Variants in ELOVL6 observed in about 807,000 individuals in gnomAD.
The protein encoded by ELOVL6 is very long chain fatty acid elongase 6.
ELOVL6 carries 8 observed loss-of-function variants against 31.7 expected under a neutral mutation model. The ratio of observed to expected loss-of-function variants is 0.25; its 90% CI spans 0.15 to 0.45. The LOEUF (loss-of-function observed/expected upper bound fraction) is 0.45. Among genes scored for constraint, ELOVL6 ranks in the 20% least tolerant of loss-of-function variants. The probability of loss-of-function intolerance (pLI) is 1.00; values close to 1 mark genes in which losing one functional copy is unlikely to be tolerated. For synonymous variants in ELOVL6, 101 were observed against 117.7 expected, an observed-to-expected ratio of 0.86 and a Z score of 0.92; for missense variants, 126 against 326.4, an observed-to-expected ratio of 0.39 and a Z score of 4.73.
chr4:110,064,703 G>A (rs1230661543), intron 2 of ELOVL6, among the ~76,000 whole-genome samples: 1 of 151,886 alleles, frequency 6.6e-6, no homozygotes, highest in East Asian at 1.9e-4. Flanking sequence ...GCCCAGGCTG[G>A]TCTTGAACTC....
chr4:110,120,784 CTTTT>C (rs1036320569), intron 1 of ELOVL6, among the ~76,000 whole-genome samples: 1 of 139,478 alleles, frequency 7.2e-6, no homozygotes, highest in African/African-American at 2.6e-5. Context: ...TGGTTCTTTT[CTTTT>C]TTTTCTTTTC....
chr4:110,181,715 C>T (rs545914215), intron 1 of ELOVL6, among the ~76,000 whole-genome samples: 1 of 152,320 alleles, frequency 6.6e-6, no homozygotes, highest in South Asian at 2.1e-4. Context: ...CCTTCTCCAT[C>T]TTTCTTCTCT....
At chr4:110,129,079 C>T (rs1482149802) in intron 1 of ELOVL6, among the ~76,000 whole-genome samples, 2 of 152,154 alleles carry the variant, frequency 1.3e-5, no homozygotes, top group Non-Finnish European at 2.9e-5. Flanking sequence ...CTTTATGTAG[C>T]AGATTTAGTC....
At chr4:110,182,770 T>C (rs889310419) in intron 1 of ELOVL6, among the ~76,000 whole-genome samples, 3 of 151,988 alleles carry the variant, frequency 2.0e-5, no homozygotes, top group African/African-American at 4.8e-5. Flanking sequence ...TAGCCAGGCG[T>C]GGTGGCCCAT....
At chr4:110,082,890 G>C (rs1204645723) in intron 2 of ELOVL6, among the ~76,000 whole-genome samples, 1 of 148,490 alleles carries the variant, frequency 6.7e-6, no homozygotes, top group Non-Finnish European at 1.5e-5. Context: ...ATCCACAAAC[G>C]CTTTTAACAG....
intron 1 of ELOVL6, among the ~76,000 whole-genome samples, chr4:110,160,095 TACACACACACACACACAAAC>T (rs948597037): frequency 2.7e-5 from 4 of 150,178 alleles, no homozygotes; most frequent in South Asian, 2.1e-4. Context: ...GCTTACAACT[TACACACACACACACACAAAC>T]ACACACACAC....
intron 1 of ELOVL6, among the ~76,000 whole-genome samples, chr4:110,117,496 G>A (rs1757199332): frequency 6.6e-6 from 1 of 152,062 alleles, no homozygotes; most frequent in Non-Finnish European, 1.5e-5. Context: ...CAGTGAGTCA[G>A]TATATTACTC....
intron 1 of ELOVL6, among the ~76,000 whole-genome samples, chr4:110,139,420 A>G (rs1359666608): frequency 6.6e-6 from 1 of 152,058 alleles, no homozygotes; most frequent in East Asian, 1.9e-4. Flanking sequence ...ATTTAAGTTT[A>G]TTTTATTTCT....
At chr4:110,079,329 C>T (rs1755758545) in intron 2 of ELOVL6, among the ~76,000 whole-genome samples, 1 of 152,168 alleles carries the variant, frequency 6.6e-6, no homozygotes, top group Non-Finnish European at 1.5e-5. Flanking sequence ...AAATTGACTG[C>T]ATAGTTGGAA....
chr4:110,097,797 A>AC (rs966298514), intron 2 of ELOVL6, among the ~76,000 whole-genome samples: 1 of 45,512 alleles, frequency 2.2e-5, no homozygotes, highest in African/African-American at 1.5e-4. Flanking sequence ...CTGCCTTCAG[A>AC]AAAAAAAAAA....
chr4:110,140,939 C>T (rs914795719), intron 1 of ELOVL6, among the ~76,000 whole-genome samples: 55 of 152,116 alleles, frequency 3.6e-4, no homozygotes, highest in Non-Finnish European at 2.9e-5. Context: ...ACTGGACTCA[C>T]AGTTCCACGT....
chr4:110,133,993 T>C (rs1172729187), intron 1 of ELOVL6, among the ~76,000 whole-genome samples: 2 of 152,224 alleles, frequency 1.3e-5, no homozygotes, highest in Non-Finnish European at 2.9e-5. Context: ...ATTTCATGTA[T>C]CCATTCATTC....
intron 1 of ELOVL6, among the ~76,000 whole-genome samples, chr4:110,139,045 T>C (rs1336782396): frequency 6.6e-6 from 1 of 152,160 alleles, no homozygotes; most frequent in Admixed American, 6.6e-5. Context: ...AAAGTTCTTA[T>C]CTTGCAGGGT....
intron 2 of ELOVL6, among the ~76,000 whole-genome samples, chr4:110,064,245 AGGTGG>A (rs200118011): frequency 0.061 from 9,295 of 152,156 alleles, 391 homozygotes; most frequent in East Asian, 0.16. Flanking sequence ...GGCGATGAGG[AGGTGG>A]GGATCACCAT....
At chr4:110,102,660 CA>C (rs965870775) in intron 2 of ELOVL6, among the ~76,000 whole-genome samples, 171 of 130,060 alleles carry the variant, frequency 1.3e-3, no homozygotes, top group Middle Eastern at 3.7e-3. Flanking sequence ...ATCTTGTCTC[CA>C]AAAAAAAAAA....
At position 110,051,695 on chromosome 4, in the gene ELOVL6, A is replaced by C; in HGVS notation, c.441T>G (p.Thr147=). ...LIFLHWYHHI[T]VLLYSWYSYK... ...AGGAGTACCAAGAGTACAGGAGCAC[A>C]GTGATGTGGTGATACCAGTGCAGGA... The change falls in exon 4 of 4, where the codon ACT becomes ACG. Residue 147 remains threonine (T), a synonymous_variant. Coordinates refer to ENST00000302274, the MANE Select transcript of ELOVL6 (RefSeq NM_024090.3). This position sits in a 1 kb window ranked among gnomAD's most constrained non-coding sequence, Gnocchi z 4.8. 1 of 1,614,166 alleles carries C rather than the reference A, an allele frequency of 6.2e-7. No homozygotes were observed. Among genetic ancestry groups the C allele is most frequent in the Non-Finnish European group, 8.5e-7 (1 of 1,179,996 alleles).
intron 1 of ELOVL6, among the ~76,000 whole-genome samples, chr4:110,194,709 C>T (rs1037631072): frequency 1.3e-5 from 2 of 152,048 alleles, no homozygotes; most frequent in African/African-American, 2.4e-5. Context: ...CATTAATTTG[C>T]GCTATGGTTA....
At position 110,170,992 on chromosome 4, in the gene ELOVL6, T is replaced by A. The variant is rs59188872; in HGVS notation, c.89+27255A>T. Among the ~76,000 whole-genome samples the A allele has an allele frequency of 2.6e-5, 4 of 152,248 alleles. No individual in the cohort carries two copies. The South Asian group carries it at 8.3e-4, about 32-fold the overall frequency. On this transcript the variant is annotated intron_variant, in intron 1 of 3. Transcript: ENST00000302274. ...CTCTAACCTTCCCAGGCCTTTCTGATTGAGTCCTGAGACCCTCAATTCAGA... is the reference window on the plus strand; with the variant it reads ...CTCTAACCTTCCCAGGCCTTTCTGAATGAGTCCTGAGACCCTCAATTCAGA...
chr4:110,093,412 T>C (rs532836379), intron 2 of ELOVL6, among the ~76,000 whole-genome samples: 1 of 152,350 alleles, frequency 6.6e-6, no homozygotes, highest in South Asian at 2.1e-4. Context: ...TTTCTAATTG[T>C]ACATAAGCAA....
Sources: gnomAD v4.1 joint callset for allele counts (sites outside exome capture counted in the v4.1 genomes callset) on GRCh38, gnomAD v4.1.1 for gene constraint, Gnocchi (gnomAD v3.1) non-coding constraint, MANE v1.5 for transcripts, NCBI Gene and HGNC (gene_info 2026-07-23, HGNC 2026-07-21) for gene names.